The following MYO15A variants were observed in gnomAD, a reference collection of about 807,000 sequenced individuals.
The protein encoded by MYO15A is unconventional myosin-XV.
MYO15A carries 308 observed loss-of-function variants against 394.6 expected under a neutral mutation model. That is an observed-to-expected ratio of 0.78 (90% CI 0.71 to 0.86). The LOEUF is 0.86. MYO15A is among the 40% of genes least tolerant of loss of function. MYO15A has a pLI of 0.00. For synonymous variants in MYO15A, 1,957 were observed against 2,003.8 expected (o/e 0.98, Z 0.62); for missense variants, 4,606 against 4,799.1 (o/e 0.96, Z 1.19).
chr17:18,156,300 G>C lies in MYO15A; in HGVS notation c.8565G>C (p.Lys2855Asn). 1 of 1,614,206 alleles carries C rather than the reference G, an allele frequency of 6.2e-7. No individual in the cohort carries two copies. Among genetic ancestry groups the C allele is most frequent in the Non-Finnish European group, 8.5e-7 (1 of 1,180,032 alleles). The change falls in exon 48 of 66, where the codon AAG (lysine) becomes AAC (asparagine). Residue 2855 changes from lysine (K) to asparagine (N), a missense_variant. This residue lies in a region of MYO15A where 2,776 missense variants were observed against 3,109.3 expected (regional missense o/e 0.89). Transcript: ENST00000647165. ...ILFSARAHQVKTLVDDFILEL... is the reference protein window; with the variant it reads ...ILFSARAHQVNTLVDDFILEL... ...TCTCAGCCCGAGCGCACCAGGTCAA[G>C]ACCCTGGTAGATGACTTCATCTTGG... is the stretch of plus-strand genomic sequence containing the variant.
At chr17:18,142,014 AG>A in intron 23 of MYO15A, 64 bp from the exon 24 acceptor site, 2 of 1,584,640 alleles carry the variant, frequency 1.3e-6, no homozygotes, top group Non-Finnish European at 1.7e-6. Context: ...ACTTCTAGAG[AG>A]GGAGGGGCCC....
At chr17:18,134,922 T>C (rs2046236226) in intron 12 of MYO15A, among the ~76,000 whole-genome samples, 1 of 152,074 alleles carries the variant, frequency 6.6e-6, no homozygotes, top group Admixed American at 6.6e-5. Flanking sequence ...ACTTTATGGC[T>C]CAGGCTGGAG....
In MYO15A at chr17:18,157,226, C is replaced by A; in HGVS notation, c.8784C>A (p.Asp2928Glu). The A allele has an allele frequency of 1.2e-6, 2 of 1,603,968 alleles. No individual in the cohort carries two copies. Among genetic ancestry groups the A allele is most frequent in the South Asian group, 1.1e-5 (1 of 89,406 alleles). The change falls in exon 50 of 66, where the codon GAC (aspartate) becomes GAA (glutamate). Residue 2928 changes from aspartate to glutamate, a missense_variant. Asp to Glu is a conservative substitution (Grantham distance 45, BLOSUM62 2). Transcript: ENST00000647165. ...YLEELRRRGP[D>E]FGWRFGTIHG... The stretch of plus-strand genomic sequence containing the variant: ...AGGAGCTGCGACGTAGAGGCCCCGA[C>A]TTTGGTGTGTGCCCCAGAACCTGGA...
chr17:18,134,436 T>C (rs2046227838), intron 12 of MYO15A, among the ~76,000 whole-genome samples: 1 of 152,286 alleles, frequency 6.6e-6, no homozygotes, highest in Non-Finnish European at 1.5e-5. Flanking sequence ...CCTTCTTCCA[T>C]AACTTTTTCT....
intron 30 of MYO15A, among the ~76,000 whole-genome samples, chr17:18,146,318 A>G (rs1225869196): frequency 6.6e-6 from 1 of 152,190 alleles, no homozygotes; most frequent in Non-Finnish European, 1.5e-5. Flanking sequence ...GTTAGGTCAG[A>G]CTGGATGAGG....
At position 18,150,517 on chromosome 17, in the gene MYO15A, C is replaced by T. The variant is rs1337013773; in HGVS notation, c.7301C>T (p.Pro2434Leu). The change falls in exon 36 of 66, where the codon CCC (proline) becomes CTC (leucine). Residue 2434 changes from proline to leucine, a missense_variant. Coordinates refer to ENST00000647165, the MANE Select transcript of MYO15A (RefSeq NM_016239.4). The surrounding 1 kb of genome is among the most constrained non-coding windows in gnomAD (Gnocchi z 4.4). ...GGSSSGTEDT[P>L]RRPPEPKPIP... ...AGCAGTAGTGGTACTGAAGACACCC[C>T]CAGGAGACCCCCAGAGCCAAAGCCA... The T allele has an allele frequency of 1.2e-6, 2 of 1,614,148 alleles. No homozygotes were observed. Among genetic ancestry groups the T allele is most frequent in the Middle Eastern group, 3.3e-4 (2 of 6,060 alleles).
At chr17:18,149,950 C>CATA (rs2046549013) in intron 35 of MYO15A, 1 of 120,214 alleles carries the variant, frequency 8.3e-6, no homozygotes, top group Non-Finnish European at 1.6e-5. Context: ...GACCCTGTCT[C>CATA]AAAAAAAAAA....
Position 18,118,442 on chromosome 17 carries a change from C to T in MYO15A, c.-219-140C>T. 3 of 316,432 alleles carry T rather than the reference C, an allele frequency of 9.5e-6. No homozygotes were observed. In the South Asian group the frequency reaches 1.1e-4, roughly 12 times the overall value. The allele number at this position is 316,432 out of a possible 1,614,324, so 19.6% of individuals were successfully genotyped here. A position where few individuals can be genotyped will look rare whatever the true frequency, so the allele number is the denominator to read the frequency against. ...TTCATGGGGTTGAGCCAGCTGTGGCCCAGGGAGGGCCTAACCAGGATGAGC... is the reference window on the plus strand; with the variant it reads ...TTCATGGGGTTGAGCCAGCTGTGGCTCAGGGAGGGCCTAACCAGGATGAGC... On this transcript the variant is annotated intron_variant, in intron 1 of 65. Transcript: ENST00000647165.
chr17:18,141,540 C>T, intron 22 of MYO15A, 113 bp from the exon 23 acceptor site: 1 of 985,568 alleles, frequency 1.0e-6, no homozygotes, highest in Non-Finnish European at 1.6e-6. Context: ...ATTTGTGGAG[C>T]CACCACTGGG....
intron 43 of MYO15A, 29 bp from the exon 44 acceptor site, chr17:18,154,102 C>G (rs1408194107): frequency 6.2e-7 from 1 of 1,613,430 alleles, no homozygotes; most frequent in Admixed American, 1.7e-5. Context: ...GGCAGTCGGA[C>G]AGTACCCACT....
At chr17:18,168,060 T>C (rs948849321) in intron 62 of MYO15A, among the ~76,000 whole-genome samples, 1 of 152,254 alleles carries the variant, frequency 6.6e-6, no homozygotes, top group African/African-American at 2.4e-5. Flanking sequence ...AAGCATTCAC[T>C]GCAATGCTGC....
chr17:18,146,829 G>A (rs1322471404), intron 30 of MYO15A, among the ~76,000 whole-genome samples: 1 of 152,156 alleles, frequency 6.6e-6, no homozygotes, highest in East Asian at 1.9e-4. Flanking sequence ...AGAGGTTGAG[G>A]CAAGAGCATT....
chr17:18,120,639 G>A lies in MYO15A; in HGVS notation c.1839G>A (p.Lys613=). 6.3e-7 allele frequency: 1 copy of A among 1,595,608 alleles called. No individual in the cohort carries two copies. Among genetic ancestry groups the A allele is most frequent in the East Asian group, 2.3e-5 (1 of 44,260 alleles). ...REAAYKRFGY[K]LAGMDPEKPG... ...CGGCCTACAAACGCTTCGGCTACAA[G>A]CTGGCTGGCATGGACCCCGAGAAGC... The change falls in exon 2 of 66, where the codon AAG becomes AAA. Residue 613 remains lysine, a synonymous_variant. Transcript: ENST00000647165.
chr17:18,129,480 A>G (rs2142292037), intron 7 of MYO15A, among the ~76,000 whole-genome samples: 1 of 152,300 alleles, frequency 6.6e-6, no homozygotes, highest in Non-Finnish European at 1.5e-5. Context: ...TGGGTGCAGT[A>G]TTTCCTGGAC....
In MYO15A at chr17:18,119,751, GC is replaced by G. The variant is rs1567620374; in HGVS notation, c.956del (p.Pro319ArgfsTer125). On this transcript the variant is annotated frameshift_variant, in exon 2 of 66. Transcript: ENST00000647165. LOFTEE classifies it high-confidence loss of function. ...ACGACGATTACGAACCCCCATATGC[GC>G]CCCCGTCGGGGTACTCGTCTCCTTA... ...GYDDYEPPYA[P>X]PSGYSSPYSY... is the part of the protein sequence containing the mutation. 6.2e-7 allele frequency: 1 copy of G among 1,612,700 alleles called. No individual in the cohort carries two copies.
rs1239209355 is a variant in MYO15A, at chr17:18,172,749, T to C, written c.10350+459T>C. ...TGTGCGCACAACCCTGGTATCTCTG[T>C]GTATCCAAATTTCCTCTTATAAGGA... On this transcript the variant is annotated intron_variant, in intron 64 of 65. Coordinates refer to ENST00000647165, the MANE Select transcript of MYO15A (RefSeq NM_016239.4). 2.4e-5 allele frequency: 7 copies of C among 285,884 alleles called. No individual in the cohort carries two copies. In the East Asian group the frequency reaches 6.6e-4, roughly 27 times the overall value. 17.7% of individuals were successfully genotyped at this position (285,884 alleles called of 1,614,324 possible).
rs779326373 is a variant in MYO15A, at chr17:18,172,170, C to A, written c.10230C>A (p.Ala3410=). ...CTCCCTGCCCAGGCCTCCTCAGCGC[C>A]TTACCTATGTTCGGCTCCTCCTTCT... ...ARAQFLGLLS[A]LPMFGSSFFF... The change falls in exon 64 of 66, where the codon GCC becomes GCA. Residue 3410 remains alanine (A), a synonymous_variant. Transcript: ENST00000647165. 1.9e-6 allele frequency: 3 copies of A among 1,614,222 alleles called. No homozygotes were observed. The highest frequency in any genetic ancestry group is 2.2e-5 in the South Asian group (2 of 91,090).
chr17:18,113,292 C>CAGT (rs150589334), intron 1 of MYO15A, among the ~76,000 whole-genome samples: 1,834 of 152,278 alleles, frequency 0.012, 29 homozygotes, highest in African/African-American at 0.04. Flanking sequence ...GCTGGGCCTA[C>CAGT]AGGTGCTTGC....
At chr17:18,129,130 C>T (rs2046106725) in intron 7 of MYO15A, among the ~76,000 whole-genome samples, 1 of 152,214 alleles carries the variant, frequency 6.6e-6, no homozygotes, top group Non-Finnish European at 1.5e-5. Flanking sequence ...ATCAACCCTC[C>T]CAACATTTCA....
Sources: gnomAD v4.1 joint callset for allele counts (sites outside exome capture counted in the v4.1 genomes callset) on GRCh38, gnomAD v4.1.1 for gene constraint, gnomAD v4.1.1 regional missense constraint, Gnocchi (gnomAD v3.1) non-coding constraint, MANE v1.5 for transcripts, NCBI Gene and HGNC (gene_info 2026-07-23, HGNC 2026-07-21) for gene names.